Variants in SLC28A1 observed in about 807,000 individuals in gnomAD.
The protein encoded by SLC28A1 is solute carrier family 28 member 1.
A neutral mutation model predicts 74.8 loss-of-function variants in SLC28A1; 64 were observed. That is an observed-to-expected ratio of 0.86 (90% confidence interval 0.70 to 1.05). The LOEUF (loss-of-function observed/expected upper bound fraction) is 1.05, where lower values mean the gene tolerates loss of function less well. Ranked by LOEUF, SLC28A1 falls within the 50% of genes least tolerant of loss-of-function variation. The probability of loss-of-function intolerance (pLI) is 0.00; values close to 1 mark genes in which losing one functional copy is unlikely to be tolerated. For synonymous variants in SLC28A1, 359 were observed against 335.0 expected (o/e 1.07, Z -0.78); for missense variants, 828 against 822.8 (o/e 1.01, Z -0.08).
intron 5 of SLC28A1, among the ~76,000 whole-genome samples, chr15:84,893,724 C>G (rs2141673716): frequency 1.3e-5 from 2 of 152,306 alleles, no homozygotes; most frequent in Middle Eastern, 6.8e-3. Flanking sequence ...CTCTTCAGGC[C>G]TCTCGTGGAG....
chr15:84,907,101 C>T (rs1178128047), intron 8 of SLC28A1, among the ~76,000 whole-genome samples: 1 of 152,194 alleles, frequency 6.6e-6, no homozygotes, highest in African/African-American at 2.4e-5. Context: ...AGGGGACTGC[C>T]TGTCATGCTG....
intron 15 of SLC28A1, among the ~76,000 whole-genome samples, chr15:84,938,218 G>T (rs1972178664): frequency 6.7e-6 from 1 of 149,784 alleles, no homozygotes; most frequent in Non-Finnish European, 1.5e-5. Flanking sequence ...AAAAAAAAAG[G>T]TTTCTATAGA....
chr15:84,898,633 T>C (rs1373699725), intron 6 of SLC28A1, among the ~76,000 whole-genome samples: 1 of 150,440 alleles, frequency 6.6e-6, no homozygotes, highest in African/African-American at 2.4e-5. Flanking sequence ...TAAGATGTGG[T>C]AACAGAGACC....
chr15:84,891,834 T>C (rs1965404444), intron 5 of SLC28A1, among the ~76,000 whole-genome samples: 1 of 152,142 alleles, frequency 6.6e-6, no homozygotes, highest in Non-Finnish European at 1.5e-5. Flanking sequence ...TGTGACCCAG[T>C]GTCAAGGATG....
chr15:84,968,480 G>A, the SLC28A1 span, among the ~76,000 whole-genome samples: 6 of 152,354 alleles, frequency 3.9e-5, no homozygotes, highest in Admixed American at 2.0e-4. Flanking sequence ...GTGTCTTCAC[G>A]ACATGGCAGC....
At chr15:84,926,557 T>C in intron 12 of SLC28A1, 3 of 454,662 alleles carry the variant, frequency 6.6e-6, no homozygotes, top group Non-Finnish European at 1.3e-5. Flanking sequence ...AATTGTGATA[T>C]AGGGATATTC....
the SLC28A1 span, among the ~76,000 whole-genome samples, chr15:84,973,548 G>A: frequency 6.6e-6 from 1 of 152,182 alleles, no homozygotes; most frequent in Non-Finnish European, 1.5e-5. Flanking sequence ...ATGAGTGGGT[G>A]CTGGGCATGC....
the SLC28A1 span, among the ~76,000 whole-genome samples, chr15:84,964,993 G>C: frequency 6.6e-6 from 1 of 152,318 alleles, no homozygotes; most frequent in East Asian, 1.9e-4. Context: ...AAGATCCTCA[G>C]TATGGAATGC....
At chr15:84,944,411 C>G (rs1973072129) in intron 16 of SLC28A1, among the ~76,000 whole-genome samples, 155 bp from the exon 17 acceptor site, 1 of 152,084 alleles carries the variant, frequency 6.6e-6, no homozygotes, top group Non-Finnish European at 1.5e-5. Flanking sequence ...AAGAGAACTC[C>G]TGAGCTCAGC....
Position 84,887,783 on chromosome 15 carries a change from G to A in SLC28A1, c.23G>A (p.Arg8Gln), listed in dbSNP as rs763945993. 17 of 1,613,906 alleles carry A rather than the reference G, an allele frequency of 1.1e-5. No homozygotes were observed. The highest frequency in any genetic ancestry group is 1.6e-4 in the Middle Eastern group (1 of 6,084). The change falls in exon 3 of 19, where the codon CGA becomes CAA. Residue 8 changes from arginine (R) to glutamine (Q), a missense_variant. Coordinates refer to ENST00000394573, the MANE Select transcript of SLC28A1 (RefSeq NM_004213.5). ...GACATGGAGAACGACCCCTCGAGACGAAGAGAGTCCATCTCTCTCACACCT... is the reference window on the plus strand; with the variant it reads ...GACATGGAGAACGACCCCTCGAGACAAAGAGAGTCCATCTCTCTCACACCT... MENDPSR[R>Q]RESISLTPVA...
At position 84,920,909 on chromosome 15, in the gene SLC28A1, G is replaced by C. The variant is rs1017186651; in HGVS notation, c.877-80G>C. Reference sequence around the variant, plus strand: ...GGGCTGGGAGTTGGGAGGAAACTGTGTAAGGTCTTCCACTCCAGCCCCCTC... The same window carrying C: ...GGGCTGGGAGTTGGGAGGAAACTGTCTAAGGTCTTCCACTCCAGCCCCCTC... On this transcript the variant is annotated intron_variant, in intron 10 of 18. Coordinates refer to ENST00000394573, the MANE Select transcript of SLC28A1 (RefSeq NM_004213.5). The C allele has an allele frequency of 2.7e-6, 3 of 1,103,334 alleles. No individual in the cohort carries two copies. In the African/African-American group the frequency reaches 4.6e-5, roughly 17 times the overall value. 68.3% of individuals were successfully genotyped at this position (1,103,334 alleles called of 1,614,324 possible).
At position 84,935,012 on chromosome 15, in the gene SLC28A1, G is replaced by A; in HGVS notation, c.1215-14G>A. The A allele has an allele frequency of 6.2e-7, 1 of 1,613,066 alleles. No individual in the cohort carries two copies. The highest frequency in any genetic ancestry group is 1.1e-5 in the South Asian group (1 of 91,056). ...AGACAGGCCAGTAATGATCATTCTT[G>A]ATCCCAACAACAGAGATGCTCAGAA... On this transcript the variant is annotated splice_polypyrimidine_tract_variant and intron_variant, in intron 13 of 18. Transcript: ENST00000394573.
At position 84,935,492 on chromosome 15, in the gene SLC28A1, G is replaced by T. The variant is rs778767791; in HGVS notation, c.1555G>T (p.Val519Phe). The T allele has an allele frequency of 5.6e-6, 9 of 1,613,920 alleles. No homozygotes were observed. Among genetic ancestry groups the T allele is most frequent in the Non-Finnish European group, 7.6e-6 (9 of 1,179,956 alleles). ...CCGCCTGGCAGGGGCCGAGGAGTGG[G>T]TCGGCGACAGGAAGCAGTGGATCTC... ...QRRLAGAEEW[V>F]GDRKQWISVR... Residue 519 changes from valine to phenylalanine, a missense_variant, in exon 15 of 19, where the codon GTC becomes TTC. By Grantham distance (50) the Val-to-Phe change is conservative. Transcript: ENST00000394573.
intron 12 of SLC28A1, among the ~76,000 whole-genome samples, chr15:84,927,702 A>G (rs188586077): frequency 6.6e-6 from 1 of 152,214 alleles, no homozygotes; most frequent in East Asian, 1.9e-4. Flanking sequence ...CCTGCCTTGG[A>G]GAAGGGGAAT....
At chr15:84,972,714 A>G in the SLC28A1 span, among the ~76,000 whole-genome samples, 4 of 152,242 alleles carry the variant, frequency 2.6e-5, no homozygotes, top group Non-Finnish European at 5.9e-5. Context: ...CTTTCAAGAC[A>G]TTCTCCAATT....
chr15:84,942,114 G>C (rs75825317), intron 15 of SLC28A1, among the ~76,000 whole-genome samples: 4,003 of 152,132 alleles, frequency 0.026, 82 homozygotes, highest in Middle Eastern at 0.054. Context: ...AGTGTGAGGG[G>C]AGGCTCTATA....
the SLC28A1 span, chr15:84,961,690 C>CATTTAAAT: frequency 3.1e-6 from 1 of 325,080 alleles, no homozygotes; most frequent in Non-Finnish European, 6.1e-6. Flanking sequence ...GAGACTGTTA[C>CATTTAAAT]GGCAGCATCA....
At chr15:84,956,119 A>G in the SLC28A1 span, among the ~76,000 whole-genome samples, 1 of 152,160 alleles carries the variant, frequency 6.6e-6, no homozygotes, top group Non-Finnish European at 1.5e-5. Context: ...TGTTACTTAC[A>G]TCCATATTTC....
At chr15:84,963,885 C>T in the SLC28A1 span, among the ~76,000 whole-genome samples, 1 of 152,338 alleles carries the variant, frequency 6.6e-6, no homozygotes, top group South Asian at 2.1e-4. Context: ...TAGCTCCAGC[C>T]TCACTGAGCT....
Sources: allele counts gnomAD v4.1 joint callset (sites outside exome capture counted in the v4.1 genomes callset), GRCh38; gene constraint gnomAD v4.1.1; transcripts MANE v1.5; gene names NCBI Gene and HGNC (gene_info 2026-07-23, HGNC 2026-07-21).